DCAF8L2: variants seen among roughly 807,000 people sequenced by gnomAD.
DCAF8L2 encodes DDB1- and CUL4-associated factor 8-like protein 2.
For missense variants in DCAF8L2, 430 were observed against 490.7 expected (o/e 0.88, Z 1.17); for synonymous variants, 200 against 190.9 (o/e 1.05, Z -0.39).
At chrX:27,612,999 A>C (rs1244177531) in intron 1 of DCAF8L2, among the ~76,000 whole-genome samples, 1 of 111,955 alleles carries the variant, frequency 8.9e-6, no homozygotes, top group Non-Finnish European at 1.9e-5. Flanking sequence ...AGTCATTGGT[A>C]GCTTGATGAG....
chrX:27,573,604 T>A, the DCAF8L2 span, among the ~76,000 whole-genome samples: 3 of 111,246 alleles, frequency 2.7e-5, no homozygotes, highest in Non-Finnish European at 3.8e-5. Context: ...AATGAAGCAA[T>A]CTTTAGGCTT....
At chrX:27,485,393 T>C in the DCAF8L2 span, among the ~76,000 whole-genome samples, 1 of 111,436 alleles carries the variant, frequency 9.0e-6, no homozygotes, top group Non-Finnish European at 1.9e-5. Flanking sequence ...AGGCAAATTA[T>C]GGGAGAGGTT....
intron 2 of DCAF8L2, chrX:27,633,337 T>C (rs1928370609): frequency 8.9e-6 from 1 of 112,408 alleles, no homozygotes; most frequent in African/African-American, 3.2e-5. Context: ...CGGCACTTCA[T>C]TAAAATGCAT....
chrX:27,660,027 G>T (rs1166295308), intron 2 of DCAF8L2, among the ~76,000 whole-genome samples: 1 of 111,066 alleles, frequency 9.0e-6, no homozygotes, highest in Non-Finnish European at 1.9e-5. Context: ...TATGTTATTT[G>T]TTTGTTTGTT....
chrX:27,492,375 C>T, the DCAF8L2 span, among the ~76,000 whole-genome samples: 1 of 112,071 alleles, frequency 8.9e-6, no homozygotes, highest in East Asian at 2.8e-4. Context: ...TAAACCATCA[C>T]CTACTATGTT....
At chrX:27,478,526 T>C in the DCAF8L2 span, among the ~76,000 whole-genome samples, 1 of 112,218 alleles carries the variant, frequency 8.9e-6, no homozygotes. Context: ...TAATGAGTTG[T>C]AAAGGACTTC....
At chrX:27,533,614 T>C in the DCAF8L2 span, among the ~76,000 whole-genome samples, 2 of 111,683 alleles carry the variant, frequency 1.8e-5, no homozygotes, top group East Asian at 2.8e-4. Context: ...CTATGATACA[T>C]TGACAGTGAT....
the DCAF8L2 span, among the ~76,000 whole-genome samples, chrX:27,484,965 A>G: frequency 3.6e-5 from 4 of 112,037 alleles, no homozygotes; most frequent in East Asian, 1.1e-3. Flanking sequence ...AAATGGAGAT[A>G]CAACCTAATT....
At chrX:27,541,875 GT>G in the DCAF8L2 span, among the ~76,000 whole-genome samples, 1 of 110,665 alleles carries the variant, frequency 9.0e-6, no homozygotes, top group Non-Finnish European at 1.9e-5. Flanking sequence ...CCCAATATCT[GT>G]TTTTCTCATC....
chrX:27,506,165 CA>C, the DCAF8L2 span, among the ~76,000 whole-genome samples: 1 of 111,425 alleles, frequency 9.0e-6, no homozygotes, highest in South Asian at 3.7e-4. Context: ...TCATTGAAGA[CA>C]AAGAAAAATG....
Position 27,747,305 on chromosome X carries a change from A to C in DCAF8L2, c.410A>C (p.Glu137Ala), listed in dbSNP as rs779792507. ...GAAGAGGAGGAGGAGGAGGAGGAGGAGGAGGAGGAGGAGGAGGAGGAGGAA... is the reference window on the plus strand; with the variant it reads ...GAAGAGGAGGAGGAGGAGGAGGAGGCGGAGGAGGAGGAGGAGGAGGAGGAA... The part of the protein sequence containing the change: ...EEEEEEEEEE[E>A]EEEEEEEEEE... The change falls in exon 5 of 5, where the codon GAG (glutamate) becomes GCG (alanine). Residue 137 changes from glutamate to alanine, a missense_variant. By Grantham distance (107) the Glu-to-Ala change is moderately radical. Transcript: ENST00000451261. The C allele has an allele frequency of 8.9e-7, 1 of 1,126,117 alleles. No individual in the cohort carries two copies. The highest frequency in any genetic ancestry group is 1.2e-6 in the Non-Finnish European group (1 of 853,644). The allele number at this position is 1,126,117 out of a possible 1,213,427, so 92.8% of individuals were successfully genotyped here. A position where few individuals can be genotyped will look rare whatever the true frequency, so the allele number is the denominator to read the frequency against.
chrX:27,723,222 G>A, intron 4 of DCAF8L2, among the ~76,000 whole-genome samples: 1 of 109,680 alleles, frequency 9.1e-6, no homozygotes. Context: ...TCAAAATCCA[G>A]AAGGCCTAAA....
At chrX:27,566,421 T>C in the DCAF8L2 span, among the ~76,000 whole-genome samples, 2 of 111,399 alleles carry the variant, frequency 1.8e-5, no homozygotes, top group Admixed American at 1.9e-4. Context: ...ACCTTATTTG[T>C]TATTGTTCTG....
At chrX:27,696,322 GAAAGAAAGAAAA>G (rs774771435) in intron 3 of DCAF8L2, among the ~76,000 whole-genome samples, 4,818 of 38,837 alleles carry the variant, frequency 0.12, 170 homozygotes, top group African/African-American at 0.24. Flanking sequence ...AAGAAAGAAA[GAAAGAAAGAAAA>G]AGAAAGAAAG....
At position 27,747,250 on chromosome X, in the gene DCAF8L2, G is replaced by C; in HGVS notation, c.355G>C (p.Glu119Gln). ...EETEREEEDE[E>Q]IQEEGGEEEE... ...GACAGAAAGGGAGGAGGAAGACGAAGAGATACAAGAGGAGGGAGGGGAGGA... is the reference window on the plus strand; with the variant it reads ...GACAGAAAGGGAGGAGGAAGACGAACAGATACAAGAGGAGGGAGGGGAGGA... The change falls in exon 5 of 5, where the codon GAG (glutamate) becomes CAG (glutamine). Residue 119 changes from glutamate (E) to glutamine (Q), a missense_variant. Transcript: ENST00000451261. 9.6e-6 allele frequency: 11 copies of C among 1,151,162 alleles called. No homozygotes were observed. Among genetic ancestry groups the C allele is most frequent in the Middle Eastern group, 2.4e-4 (1 of 4,192 alleles). 94.9% of individuals were successfully genotyped at this position (1,151,162 alleles called of 1,213,427 possible).
the DCAF8L2 span, among the ~76,000 whole-genome samples, chrX:27,536,970 A>T: frequency 1.9e-4 from 21 of 112,289 alleles, no homozygotes; most frequent in Non-Finnish European, 5.6e-5. Context: ...CAAACTTATG[A>T]TTATTTCTCG....
At chrX:27,495,193 C>T in the DCAF8L2 span, among the ~76,000 whole-genome samples, 1 of 111,817 alleles carries the variant, frequency 8.9e-6, no homozygotes, top group Non-Finnish European at 1.9e-5. Context: ...GTCTTGGAAT[C>T]TTTGTCAAAA....
chrX:27,640,388 A>G (rs1457909282), intron 2 of DCAF8L2, among the ~76,000 whole-genome samples: 1 of 111,956 alleles, frequency 8.9e-6, no homozygotes, highest in Non-Finnish European at 1.9e-5. Flanking sequence ...TTCACTTACT[A>G]ACATACATTT....
the DCAF8L2 span, among the ~76,000 whole-genome samples, chrX:27,477,190 T>C: frequency 8.9e-6 from 1 of 112,761 alleles, no homozygotes; most frequent in Non-Finnish European, 1.9e-5. Context: ...GTGACTGACC[T>C]GGACAGGTCT....
Sources: allele counts gnomAD v4.1 joint callset (sites outside exome capture counted in the v4.1 genomes callset), GRCh38; gene constraint gnomAD v4.1.1; transcripts MANE v1.5; gene names NCBI Gene and HGNC (gene_info 2026-07-23, HGNC 2026-07-21).